The following MEI4 variants were observed in gnomAD, a reference collection of about 807,000 sequenced individuals.
MEI4 encodes meiosis-specific protein MEI4.
MEI4 carries 27 observed loss-of-function variants against 31.4 expected under a neutral mutation model. The observed-to-expected ratio is 0.86, with a 90% CI of 0.63 to 1.19. MEI4 has a LOEUF of 1.19. Ranked by LOEUF, MEI4 falls within the 50% of genes most tolerant of loss-of-function variation. The pLI is 0.00. For synonymous variants in MEI4, 122 were observed against 145.4 expected (o/e 0.84, Z 1.16); for missense variants, 329 against 398.9 (o/e 0.82, Z 1.49).
intron 2 of MEI4, among the ~76,000 whole-genome samples, chr6:77,702,416 AGTTT>A (rs1766246650): frequency 6.6e-6 from 1 of 152,254 alleles, no homozygotes; most frequent in African/African-American, 2.4e-5. Context: ...TAATGATGGA[AGTTT>A]GTTTAAAATT....
chr6:77,899,465 A>G (rs1022605941), intron 4 of MEI4, among the ~76,000 whole-genome samples: 8 of 152,208 alleles, frequency 5.3e-5, no homozygotes, highest in African/African-American at 1.9e-4. Context: ...TTATCCAACT[A>G]AAAGACCTAG....
chr6:77,912,076 A>G (rs1208316608), intron 4 of MEI4, among the ~76,000 whole-genome samples: 1 of 151,994 alleles, frequency 6.6e-6, no homozygotes, highest in African/African-American at 2.4e-5. Flanking sequence ...ATCATTTACT[A>G]ATGTGGGTGT....
intron 3 of MEI4, among the ~76,000 whole-genome samples, chr6:77,792,234 A>T (rs1293755410): frequency 6.6e-6 from 1 of 152,146 alleles, no homozygotes; most frequent in East Asian, 1.9e-4. Flanking sequence ...TCTTTTAATT[A>T]TTGTGAGGAA....
intron 2 of MEI4, among the ~76,000 whole-genome samples, chr6:77,740,096 G>A (rs930947697): frequency 7.9e-5 from 12 of 152,058 alleles, no homozygotes; most frequent in Non-Finnish European, 1.5e-4. Flanking sequence ...CACTTTTTAT[G>A]TAACTGTATG....
intron 1 of MEI4, among the ~76,000 whole-genome samples, chr6:77,663,106 C>G (rs1768544174): frequency 6.6e-6 from 1 of 151,966 alleles, no homozygotes; most frequent in Admixed American, 6.5e-5. Flanking sequence ...GGGTTTGGCA[C>G]CATGGGGTGG....
intron 3 of MEI4, among the ~76,000 whole-genome samples, chr6:77,787,672 C>T (rs907165438): frequency 2.6e-5 from 4 of 152,066 alleles, no homozygotes; most frequent in Admixed American, 2.0e-4. Flanking sequence ...AACATGACAC[C>T]ACCAAAAGAA....
chr6:77,865,160 CAATT>C (rs1383706466), intron 4 of MEI4, among the ~76,000 whole-genome samples: 2 of 152,004 alleles, frequency 1.3e-5, no homozygotes, highest in African/African-American at 4.8e-5. Flanking sequence ...CCTAACATCA[CAATT>C]AAAAGAACTA....
At chr6:77,745,595 G>A (rs1490639709) in intron 2 of MEI4, among the ~76,000 whole-genome samples, 2 of 152,100 alleles carry the variant, frequency 1.3e-5, no homozygotes, top group Non-Finnish European at 2.9e-5. Context: ...CCCAGGAATT[G>A]AACTCAGCTC....
intron 4 of MEI4, among the ~76,000 whole-genome samples, chr6:77,849,301 C>A (rs994079958): frequency 2.6e-5 from 4 of 152,048 alleles, no homozygotes; most frequent in African/African-American, 9.7e-5. Flanking sequence ...GGTGGCTGGG[C>A]ATTCCCTGAC....
At chr6:77,702,302 C>T (rs1467067221) in intron 2 of MEI4, among the ~76,000 whole-genome samples, 1 of 152,180 alleles carries the variant, frequency 6.6e-6, no homozygotes, top group African/African-American at 2.4e-5. Flanking sequence ...TAAGTTGGGG[C>T]ATTCACTGTT....
intron 4 of MEI4, among the ~76,000 whole-genome samples, chr6:77,851,992 T>C (rs1198632783): frequency 6.6e-6 from 1 of 152,180 alleles, no homozygotes; most frequent in African/African-American, 2.4e-5. Flanking sequence ...TGGACCAAAT[T>C]AGGGATTCAA....
intron 4 of MEI4, among the ~76,000 whole-genome samples, chr6:77,867,862 A>G (rs923230505): frequency 1.3e-5 from 2 of 152,200 alleles, no homozygotes; most frequent in Non-Finnish European, 2.9e-5. Flanking sequence ...TGTGACACAT[A>G]TGCACCATGG....
At chr6:77,756,243 A>G (rs1225226546) in intron 2 of MEI4, among the ~76,000 whole-genome samples, 2 of 152,206 alleles carry the variant, frequency 1.3e-5, no homozygotes, top group African/African-American at 4.8e-5. Flanking sequence ...CTATTATCAG[A>G]TATTATAACC....
chr6:77,876,896 G>A (rs1771354406), intron 4 of MEI4, among the ~76,000 whole-genome samples: 1 of 152,098 alleles, frequency 6.6e-6, no homozygotes, highest in South Asian at 2.1e-4. Context: ...AAAAGATGTG[G>A]AAGATATGAA....
chr6:77,911,336 C>T (rs926979769), intron 4 of MEI4, among the ~76,000 whole-genome samples: 3 of 151,954 alleles, frequency 2.0e-5, no homozygotes, highest in African/African-American at 7.2e-5. Flanking sequence ...TCACAGGGTA[C>T]ATATGCAAGT....
intron 2 of MEI4, among the ~76,000 whole-genome samples, chr6:77,727,173 G>C (rs1766848668): frequency 6.6e-6 from 1 of 152,164 alleles, no homozygotes; most frequent in South Asian, 2.1e-4. Context: ...TCAGAACAGA[G>C]TCCACCTACT....
intron 4 of MEI4, among the ~76,000 whole-genome samples, chr6:77,865,799 C>T (rs1452639522): frequency 1.3e-5 from 2 of 151,992 alleles, no homozygotes; most frequent in Admixed American, 6.6e-5. Context: ...TAGACCAATA[C>T]CCCTGATGAA....
rs148564983 is a variant in MEI4, at chr6:77,826,270, A to T, written c.769-2661A>T. ...AGTTTATGGCAGGGCTAAATAACAT[A>T]TGTAAATTTTTATTTTCTAGAGAGA... On this transcript the variant is annotated intron_variant, in intron 3 of 4. Transcript: ENST00000684080. 2.7e-3 allele frequency among the ~76,000 whole-genome samples: 411 copies of T among 152,306 alleles called. 1 individual carries two copies. Among genetic ancestry groups the T allele is most frequent in the African/African-American group, 9.7e-3 (402 of 41,566 alleles).
chr6:77,742,323 T>G (rs1420518677), intron 2 of MEI4, among the ~76,000 whole-genome samples: 2 of 151,944 alleles, frequency 1.3e-5, no homozygotes, highest in African/African-American at 4.8e-5. Flanking sequence ...CTAACTGGTG[T>G]GAGATGGTAT....
Sources: allele counts gnomAD v4.1 joint callset (sites outside exome capture counted in the v4.1 genomes callset), GRCh38; gene constraint gnomAD v4.1.1; transcripts MANE v1.5; gene names NCBI Gene and HGNC (gene_info 2026-07-23, HGNC 2026-07-21).